The following TBC1D23 variants were observed in gnomAD, a reference collection of about 807,000 sequenced individuals.
The protein encoded by TBC1D23 is HCV non-structural protein 4A-transactivated protein 1.
A neutral mutation model predicts 91.4 loss-of-function variants in TBC1D23; 55 were observed. The observed-to-expected ratio is 0.60, with a 90% confidence interval of 0.48 to 0.75. The LOEUF is 0.75. Among genes scored for constraint, TBC1D23 ranks in the 30% least tolerant of loss-of-function variants. The pLI is 0.00. For synonymous variants in TBC1D23, 289 were observed against 281.0 expected, an observed-to-expected ratio of 1.03 and a Z score of -0.28; for missense variants, 725 against 836.1, an observed-to-expected ratio of 0.87 and a Z score of 1.64.
chr3:100,323,186 A>T (rs895218185), intron 18 of TBC1D23, among the ~76,000 whole-genome samples: 1 of 152,174 alleles, frequency 6.6e-6, no homozygotes, highest in Non-Finnish European at 1.5e-5. Flanking sequence ...AAGTGTTGGA[A>T]TTGTCATTGT....
chr3:100,314,309 G>A (rs1705690833), intron 15 of TBC1D23, among the ~76,000 whole-genome samples: 1 of 152,020 alleles, frequency 6.6e-6, no homozygotes, highest in South Asian at 2.1e-4. Flanking sequence ...TGTTAGCCAG[G>A]ATAGTCTCGA....
intron 4 of TBC1D23, among the ~76,000 whole-genome samples, chr3:100,287,657 A>G (rs2067755479): frequency 6.6e-6 from 1 of 152,208 alleles, no homozygotes; most frequent in South Asian, 2.1e-4. Flanking sequence ...GGCCTTTTCT[A>G]TAAAACTTCC....
intron 1 of TBC1D23, among the ~76,000 whole-genome samples, chr3:100,273,992 A>G (rs868280437): frequency 3.3e-5 from 5 of 152,330 alleles, no homozygotes; most frequent in Middle Eastern, 3.4e-3. Flanking sequence ...ATATGTCTAT[A>G]TATATGTCTA....
In TBC1D23 at chr3:100,281,745, G is replaced by T; in HGVS notation, c.169G>T (p.Ala57Ser). Reference sequence around the variant, plus strand: ...ACTTTTTAAATCTTTCTTCCAGATTGCTCTGAATGTTGCAGGAAAAGGTGA... The same window carrying T: ...ACTTTTTAAATCTTTCTTCCAGATTTCTCTGAATGTTGCAGGAAAAGGTGA... The part of the protein sequence containing the change: ...ADLRAKVWKI[A>S]LNVAGKGDSL... The change falls in exon 3 of 19, where the codon GCT becomes TCT. Residue 57 changes from alanine to serine, a missense_variant. Transcript: ENST00000394144. 1 of 1,605,934 alleles carries T rather than the reference G, an allele frequency of 6.2e-7. No homozygotes were observed. Among genetic ancestry groups the T allele is most frequent in the South Asian group, 1.1e-5 (1 of 90,748 alleles).
intron 12 of TBC1D23, among the ~76,000 whole-genome samples, 156 bp downstream of exon 12, chr3:100,305,044 A>T (rs1705494204): frequency 6.6e-6 from 1 of 152,188 alleles, no homozygotes; most frequent in South Asian, 2.1e-4. Flanking sequence ...GGACTTACAG[A>T]TAACAGACAA....
rs761436010 is a variant in TBC1D23 at position 100,283,725 on chromosome 3, T to G, written c.390T>G (p.His130Gln). The G allele has an allele frequency of 4.3e-6, 7 of 1,612,972 alleles. No homozygotes were observed. Among genetic ancestry groups the G allele is most frequent in the Admixed American group, 1.7e-5 (1 of 60,026 alleles). ...IKYSTSLSWI[H>Q]LLKPLVHLQL... The stretch of plus-strand genomic sequence containing the variant: ...ATAGCACATCCCTTAGCTGGATACA[T>G]CTACTGAAACCATTGGTGCATCTTC... The change falls in exon 4 of 19, where the codon CAT (histidine) becomes CAG (glutamine). Residue 130 changes from histidine to glutamine, a missense_variant. Physicochemically the swap from His to Gln is conservative, Grantham distance 24 (BLOSUM62 0). Coordinates refer to ENST00000394144, the MANE Select transcript of TBC1D23 (RefSeq NM_001199198.3).
chr3:100,295,197 C>T lies in TBC1D23; in HGVS notation c.711C>T (p.Ile237=). ...TTATTTATTTCTTAATGTTAATTAT[C>T]CTTGTTAATGCAAAGTAAGTATCTG... ...PFFIYFLMLI[I]LVNAKEVILT... The change falls in exon 6 of 19, where the codon ATC becomes ATT. Residue 237 remains isoleucine (I), a synonymous_variant. Transcript: ENST00000394144. The T allele has an allele frequency of 1.2e-6, 2 of 1,601,562 alleles. No individual in the cohort carries two copies. The highest frequency in any genetic ancestry group is 1.7e-6 in the Non-Finnish European group (2 of 1,175,772).
intron 14 of TBC1D23, 84 bp from the exon 15 acceptor site, chr3:100,311,747 CTA>C (rs1422758365): frequency 1.1e-6 from 1 of 921,404 alleles, no homozygotes; most frequent in Non-Finnish European, 1.7e-6. Flanking sequence ...GTGAGAAAAA[CTA>C]AACTGTACCA....
chr3:100,278,198 C>T (rs277637), intron 1 of TBC1D23, among the ~76,000 whole-genome samples: 1 of 152,102 alleles, frequency 6.6e-6, no homozygotes, highest in African/African-American at 2.4e-5. Flanking sequence ...TCAGAACCAC[C>T]AAAATGGGAC....
At chr3:100,271,208 G>T (rs1223680238) in intron 1 of TBC1D23, among the ~76,000 whole-genome samples, 1 of 152,150 alleles carries the variant, frequency 6.6e-6, no homozygotes, top group East Asian at 1.9e-4. Flanking sequence ...AGAGGGATGA[G>T]AAATGGAAGT....
chr3:100,274,903 CTT>C (rs2067635166), intron 1 of TBC1D23, among the ~76,000 whole-genome samples: 1 of 132,346 alleles, frequency 7.6e-6, no homozygotes, highest in African/African-American at 2.6e-5. Flanking sequence ...CACCCCCCCC[CTT>C]TTTGTTTATT....
chr3:100,286,139 G>A (rs72938983), intron 4 of TBC1D23, among the ~76,000 whole-genome samples: 2,696 of 152,268 alleles, frequency 0.018, 73 homozygotes, highest in African/African-American at 0.061. Flanking sequence ...CAGAAAACAA[G>A]GCTAAGGTCA....
In TBC1D23 at chr3:100,323,557, G is replaced by GTA. The variant is rs958279072; in HGVS notation, c.2019-22_2019-21dup. On this transcript the variant is annotated intron_variant, in intron 18 of 18. Transcript: ENST00000394144. ...TACATATACATATGTATATATATAT[G>GTA]TATATATATGTATTTTTTTTCCCCC... is the stretch of plus-strand genomic sequence containing the variant. 5 of 1,059,272 alleles carry GTA rather than the reference G, an allele frequency of 4.7e-6. No individual in the cohort carries two copies. The African/African-American group carries it at 6.7e-5, about 14-fold the overall frequency. The allele number at this position is 1,059,272 out of a possible 1,614,324, so 65.6% of individuals were successfully genotyped here.
At chr3:100,308,109 G>A (rs2148867398) in intron 13 of TBC1D23, among the ~76,000 whole-genome samples, 1 of 152,284 alleles carries the variant, frequency 6.6e-6, no homozygotes, top group African/African-American at 2.4e-5. Flanking sequence ...AATTTTTACA[G>A]TTTAATTTGG....
In TBC1D23 at chr3:100,320,897, A is replaced by G; in HGVS notation, c.1944A>G (p.Lys648=). Residue 648 remains lysine (K), a synonymous_variant, in exon 18 of 19, where the codon AAA becomes AAG. Coordinates refer to ENST00000394144, the MANE Select transcript of TBC1D23 (RefSeq NM_001199198.3). ...CTGTAGTTAAAATTACATCCAAAAA[A>G]AAACATCCTGAACTCATTACCTTCA... is the stretch of plus-strand genomic sequence containing the variant. ...LNSVVKITSK[K]KHPELITFKY... 6.2e-7 allele frequency: 1 copy of G among 1,613,446 alleles called. No individual in the cohort carries two copies. Among genetic ancestry groups the G allele is most frequent in the Non-Finnish European group, 8.5e-7 (1 of 1,179,738 alleles).
chr3:100,305,687 T>A, intron 12 of TBC1D23, among the ~76,000 whole-genome samples: 1 of 152,182 alleles, frequency 6.6e-6, no homozygotes, highest in East Asian at 1.9e-4. Context: ...CATTAGGATG[T>A]ATTTCCTCCT....
chr3:100,286,194 G>A (rs963343133), intron 4 of TBC1D23, among the ~76,000 whole-genome samples: 6 of 152,158 alleles, frequency 3.9e-5, no homozygotes, highest in African/African-American at 1.4e-4. Context: ...TCATTTTGTT[G>A]TACTAGGTCT....
intron 1 of TBC1D23, among the ~76,000 whole-genome samples, chr3:100,269,641 C>G (rs2067585222): frequency 6.6e-6 from 1 of 152,200 alleles, no homozygotes; most frequent in African/African-American, 2.4e-5. Flanking sequence ...GAATCTGTAG[C>G]AAAGTTTTCT....
In TBC1D23 at chr3:100,273,325, A is replaced by G. The variant is rs150859423; in HGVS notation, c.54-6324A>G. On this transcript the variant is annotated intron_variant, in intron 1 of 18. Transcript: ENST00000394144. ...GCACATGTCTTGGGGGTAAGGTTATAGATTAACAGCATCTCAAGGCAGAAG... is the reference window on the plus strand; with the variant it reads ...GCACATGTCTTGGGGGTAAGGTTATGGATTAACAGCATCTCAAGGCAGAAG... Among the ~76,000 whole-genome samples, 396 of 152,332 alleles carry G rather than the reference A, an allele frequency of 2.6e-3. 1 individual carries two copies. Among genetic ancestry groups the G allele is most frequent in the African/African-American group, 9.2e-3 (382 of 41,564 alleles).
Sources: gnomAD v4.1 joint callset for allele counts (sites outside exome capture counted in the v4.1 genomes callset) on GRCh38, gnomAD v4.1.1 for gene constraint, MANE v1.5 for transcripts, NCBI Gene and HGNC (gene_info 2026-07-23, HGNC 2026-07-21) for gene names.